CYREN: variants seen among roughly 807,000 people sequenced by gnomAD.
CYREN encodes the protein cell cycle regulator of non-homologous end joining.
A neutral mutation model predicts 9.7 loss-of-function variants in CYREN; 7 were observed. That is an observed-to-expected ratio of 0.72 (90% CI 0.41 to 1.36). The LOEUF (loss-of-function observed/expected upper bound fraction) is 1.36, where lower values mean the gene tolerates loss of function less well. Ranked by LOEUF, CYREN falls within the 40% of genes most tolerant of loss-of-function variation. The probability of loss-of-function intolerance (pLI) is 0.01; values close to 1 mark genes in which losing one functional copy is unlikely to be tolerated. For synonymous variants in CYREN, 76 were observed against 77.9 expected, an observed-to-expected ratio of 0.98 and a Z score of 0.13; for missense variants, 215 against 198.1, an observed-to-expected ratio of 1.09 and a Z score of -0.51.
chr7:135,169,802 A>G (rs568917048), intron 1 of CYREN, among the ~76,000 whole-genome samples: 1 of 152,266 alleles, frequency 6.6e-6, no homozygotes, highest in South Asian at 2.1e-4. Flanking sequence ...CCTGAAGCGG[A>G]GGTTTGCCCA....
At chr7:135,134,744 TA>T in intron 2 of CYREN, 1 of 1,177,912 alleles carries the variant, frequency 8.5e-7, no homozygotes, top group East Asian at 2.6e-5. Context: ...ATGAACTTAC[TA>T]AAAGGAAAAA....
At chr7:135,142,844 G>A (rs575126369) in intron 2 of CYREN, among the ~76,000 whole-genome samples, 3 of 152,134 alleles carry the variant, frequency 2.0e-5, no homozygotes, top group Admixed American at 6.6e-5. Context: ...TGGAAAGACA[G>A]TCTGTGTTCA....
downstream of CYREN, chr7:135,165,217 C>G (rs1176263654): frequency 1.9e-6 from 1 of 525,724 alleles, no homozygotes; most frequent in Admixed American, 3.5e-5. Flanking sequence ...TCAGGACTTC[C>G]AAGGCTCCCA....
chr7:135,117,571 T>C (rs1231195363), intron 2 of CYREN, among the ~76,000 whole-genome samples: 3 of 152,134 alleles, frequency 2.0e-5, no homozygotes, highest in Non-Finnish European at 2.9e-5. Flanking sequence ...CATGTAAGAG[T>C]GTTGAGACAG....
At chr7:135,108,134 T>C (rs1378121237) in intron 2 of CYREN, among the ~76,000 whole-genome samples, 1 of 152,196 alleles carries the variant, frequency 6.6e-6, no homozygotes, top group African/African-American at 2.4e-5. Flanking sequence ...CTCTAGAAGA[T>C]AGCATACCAT....
chr7:135,142,822 TA>T (rs1266831264), intron 2 of CYREN, among the ~76,000 whole-genome samples: 1 of 152,038 alleles, frequency 6.6e-6, no homozygotes, highest in Non-Finnish European at 1.5e-5. Context: ...TACTAAAGAA[TA>T]ACTAAATAAA....
Position 135,141,775 on chromosome 7 carries a change from T to C in CYREN, n.356+26974A>G, listed in dbSNP as rs527586244. On this transcript the variant is annotated intron_variant and non_coding_transcript_variant, in intron 2 of 2. Transcript: ENST00000459937. ...TTTGTTTTCATTAGTTTCAAAGAAT[T>C]TCTTGATTTCTGCCTTAATTTCATT... Among the ~76,000 whole-genome samples the C allele has an allele frequency of 7.9e-5, 12 of 152,286 alleles. No homozygotes were observed. The South Asian group carries it at 2.1e-3, about 26-fold the overall frequency.
intron 2 of CYREN, among the ~76,000 whole-genome samples, chr7:135,153,895 A>G (rs1322485182): frequency 6.6e-6 from 1 of 152,118 alleles, no homozygotes; most frequent in Non-Finnish European, 1.5e-5. Context: ...TGATTTTTTA[A>G]TAGTTTCAGG....
chr7:135,131,803 T>C (rs1229792010), intron 2 of CYREN, among the ~76,000 whole-genome samples: 1 of 151,908 alleles, frequency 6.6e-6, no homozygotes, highest in Non-Finnish European at 1.5e-5. Flanking sequence ...CTTCTATTAA[T>C]ACTGACAAAT....
rs1382143705 is a variant in CYREN at position 135,151,307 on chromosome 7, T to C, written n.356+17442A>G. 6.6e-6 allele frequency among the ~76,000 whole-genome samples: 1 copy of C among 152,218 alleles called. No individual in the cohort carries two copies. Among genetic ancestry groups the C allele is most frequent in the African/African-American group, 2.4e-5 (1 of 41,454 alleles). ...TGAAAAGAATTAGAACCTGGACTCA[T>C]GTTTCTACCAAAGGAAATATGACAC... On this transcript the variant is annotated intron_variant and non_coding_transcript_variant, in intron 2 of 2. Transcript: ENST00000459937. This position sits in a 1 kb window ranked among gnomAD's most constrained non-coding sequence, Gnocchi z 4.3.
intron 2 of CYREN, chr7:135,128,449 G>A: frequency 1.4e-6 from 1 of 723,404 alleles, no homozygotes; most frequent in Non-Finnish European, 2.6e-6. Context: ...TTAAATGTCA[G>A]AAGACCAAGA....
At chr7:135,096,282 G>C (rs1288414643) in intron 2 of CYREN, among the ~76,000 whole-genome samples, 2 of 151,638 alleles carry the variant, frequency 1.3e-5, no homozygotes, top group Non-Finnish European at 2.9e-5. Flanking sequence ...AATGAAAAGA[G>C]AATGAGTATA....
chr7:135,171,808 T>A (rs1461063952), upstream of CYREN, among the ~76,000 whole-genome samples: 1 of 152,210 alleles, frequency 6.6e-6, no homozygotes, highest in Admixed American at 6.5e-5. Context: ...TGCAGAGGAC[T>A]CCGGCCAGCC....
chr7:135,148,308 A>T, intron 2 of CYREN: 1 of 345,010 alleles, frequency 2.9e-6, no homozygotes, highest in South Asian at 2.3e-5. Context: ...GCTTACCCAG[A>T]CGTCTACTAC....
At chr7:135,164,145 A>G (rs1213511083), downstream of CYREN, among the ~76,000 whole-genome samples, 2 of 152,260 alleles carry the variant, frequency 1.3e-5, no homozygotes, top group Non-Finnish European at 2.9e-5. Context: ...CTTTGGCTAA[A>G]GAGCACTTCA....
intron 2 of CYREN, among the ~76,000 whole-genome samples, chr7:135,142,011 T>G (rs1339892977): frequency 6.6e-6 from 1 of 152,138 alleles, no homozygotes; most frequent in East Asian, 1.9e-4. Flanking sequence ...ATGAGAAGAA[T>G]GTATATTCTG....
In CYREN at chr7:135,099,795, G is replaced by A. The variant is rs118172985; in HGVS notation, n.357-5213C>T. Among the ~76,000 whole-genome samples, 659 of 151,450 alleles carry A rather than the reference G, an allele frequency of 4.4e-3. 3 individuals are homozygous for A. Among genetic ancestry groups the A allele is most frequent in the Non-Finnish European group, 7.2e-3 (489 of 67,924 alleles). On this transcript the variant is annotated intron_variant and non_coding_transcript_variant, in intron 2 of 2. Coordinates refer to the CYREN transcript ENST00000459937. ...TTTTAGCAGGTTCTGGGAAGATTTCGCTATCCCCAGACTACCCCAATAGAT... is the reference window on the plus strand; with the variant it reads ...TTTTAGCAGGTTCTGGGAAGATTTCACTATCCCCAGACTACCCCAATAGAT...
In CYREN at chr7:135,168,759, G is replaced by T. The variant is rs78929509; in HGVS notation, c.137+27C>A. ...CCCTGCTCCACTTGCCAGATTCGCA[G>T]GAGTCTTCTGACCAGAGCTGTCGCA... On this transcript the variant is annotated intron_variant, in intron 2 of 3. Transcript: ENST00000393114. 730 of 1,608,932 alleles carry T rather than the reference G, an allele frequency of 4.5e-4. 7 individuals are homozygous for T. The East Asian group carries it at 0.016, about 36-fold the overall frequency.
downstream of CYREN, chr7:135,165,217 C>T (rs1176263654): frequency 5.7e-6 from 3 of 525,724 alleles, no homozygotes; most frequent in Non-Finnish European, 1.0e-5. Flanking sequence ...TCAGGACTTC[C>T]AAGGCTCCCA....
Sources: allele counts gnomAD v4.1 joint callset (sites outside exome capture counted in the v4.1 genomes callset), GRCh38; gene constraint gnomAD v4.1.1; non-coding constraint Gnocchi (gnomAD v3.1); transcripts MANE v1.5; gene names NCBI Gene and HGNC (gene_info 2026-07-23, HGNC 2026-07-21).